Variants in PTPN11 observed in about 807,000 individuals in gnomAD.
PTPN11 encodes tyrosine-protein phosphatase non-receptor type 11.
A neutral mutation model predicts 78.8 loss-of-function variants in PTPN11; 6 were observed. That is an observed-to-expected ratio of 0.08 (90% CI 0.04 to 0.15). PTPN11 has a LOEUF of 0.15. Among genes scored for constraint, PTPN11 ranks in the 10% least tolerant of loss-of-function variants. The pLI, the probability that PTPN11 is intolerant of heterozygous loss-of-function variation, is 1.00. For synonymous variants in PTPN11, 221 were observed against 263.5 expected (o/e 0.84, Z 1.56); for missense variants, 386 against 744.8 (o/e 0.52, Z 5.61).
intron 1 of PTPN11, among the ~76,000 whole-genome samples, chr12:112,426,546 C>T (rs1302959987): frequency 2.6e-5 from 4 of 151,904 alleles, no homozygotes; most frequent in South Asian, 2.1e-4. Flanking sequence ...TGTGAGCCAC[C>T]GCAGCCGGCC....
At chr12:112,466,284 G>A (rs889151251) in intron 6 of PTPN11, among the ~76,000 whole-genome samples, 1 of 152,194 alleles carries the variant, frequency 6.6e-6, no homozygotes, top group Non-Finnish European at 1.5e-5. Flanking sequence ...TAACCTCAGG[G>A]AGAACATTCT....
At chr12:112,444,392 A>C (rs957718065) in intron 1 of PTPN11, among the ~76,000 whole-genome samples, 1 of 150,920 alleles carries the variant, frequency 6.6e-6, no homozygotes, top group Admixed American at 6.6e-5. Flanking sequence ...CCCAGGCTGG[A>C]GTGTAGTGGC....
chr12:112,486,372 A>T (rs2038675735), intron 10 of PTPN11, 103 bp from the exon 11 acceptor site: 1 of 1,228,488 alleles, frequency 8.1e-7, no homozygotes. Context: ...ACCTGGGGAG[A>T]TTCTCTTCCT....
intron 1 of PTPN11, among the ~76,000 whole-genome samples, 181 bp from the exon 2 acceptor site, chr12:112,446,095 A>G (rs1022341625): frequency 1.3e-5 from 2 of 152,196 alleles, no homozygotes; most frequent in East Asian, 3.9e-4. Flanking sequence ...GGTCTCTACC[A>G]AGGGAAAGGC....
chr12:112,470,187 G>C (rs2038393518), intron 6 of PTPN11, among the ~76,000 whole-genome samples: 2 of 152,140 alleles, frequency 1.3e-5, no homozygotes, highest in Admixed American at 6.5e-5. Context: ...TTAAGTCTGG[G>C]GTAGGACCTG....
chr12:112,446,143 G>C (rs1159168010), intron 1 of PTPN11, 133 bp from the exon 2 acceptor site: 1 of 1,119,382 alleles, frequency 8.9e-7, no homozygotes, highest in Non-Finnish European at 1.3e-6. Context: ...AGGGGGAAGG[G>C]ACAGGGAAGG....
intron 1 of PTPN11, among the ~76,000 whole-genome samples, chr12:112,442,532 A>G (rs770934820): frequency 6.6e-6 from 1 of 151,534 alleles, no homozygotes. Context: ...GCTTATTGCA[A>G]ACTTCACCTT....
At chr12:112,438,510 C>G (rs369758815) in intron 1 of PTPN11, among the ~76,000 whole-genome samples, 1 of 151,316 alleles carries the variant, frequency 6.6e-6, no homozygotes. Flanking sequence ...GAGACGAAGT[C>G]TTGCTCTGTC....
intron 13 of PTPN11, among the ~76,000 whole-genome samples, chr12:112,492,809 G>A (rs909913877): frequency 6.6e-6 from 1 of 152,008 alleles, no homozygotes; most frequent in Admixed American, 6.6e-5. Flanking sequence ...GAGTCACTGC[G>A]CCCGGCTCTC....
chr12:112,445,854 G>A (rs2037985743), intron 1 of PTPN11, among the ~76,000 whole-genome samples: 1 of 151,888 alleles, frequency 6.6e-6, no homozygotes, highest in African/African-American at 2.4e-5. Context: ...TGGTCAGGCT[G>A]CTCTGGAACT....
At position 112,457,908 on chromosome 12, in the gene PTPN11, G is replaced by C. The variant is rs141688676; in HGVS notation, c.756+1845G>C. ...TCCCCAGCATGTAGCACGGTGCCTA[G>C]TACACAGAAGAAACTCCATAAATGT... On this transcript the variant is annotated intron_variant, in intron 6 of 15. Coordinates refer to ENST00000351677, the MANE Select transcript of PTPN11 (RefSeq NM_002834.5). 4.6e-3 allele frequency among the ~76,000 whole-genome samples: 704 copies of C among 152,306 alleles called. 10 individuals carry two copies. Among genetic ancestry groups the C allele is most frequent in the African/African-American group, 0.016 (653 of 41,564 alleles).
intron 9 of PTPN11, among the ~76,000 whole-genome samples, chr12:112,479,840 C>A (rs933135450): frequency 6.6e-6 from 1 of 152,142 alleles, no homozygotes; most frequent in African/African-American, 2.4e-5. Context: ...CTCTGCCCCA[C>A]CCCTCACCAC....
At chr12:112,436,709 CTTTT>C (rs769027606) in intron 1 of PTPN11, among the ~76,000 whole-genome samples, 1 of 135,780 alleles carries the variant, frequency 7.4e-6, no homozygotes, top group African/African-American at 2.7e-5. Context: ...GAAATGAAGG[CTTTT>C]TTTTTTTTTT....
In PTPN11 at chr12:112,437,916, A is replaced by G. The variant is rs184039429; in HGVS notation, c.15-8360A>G. 1.8e-4 allele frequency among the ~76,000 whole-genome samples: 27 copies of G among 152,068 alleles called. No homozygotes were observed. The East Asian group carries it at 4.7e-3, about 26-fold the overall frequency. Reference sequence around the variant, plus strand: ...TGGTCTGCCTAAGTTTTCTTACTCTAATGGGTTAATTTTTGTAGACTGCAT... The same window carrying G: ...TGGTCTGCCTAAGTTTTCTTACTCTGATGGGTTAATTTTTGTAGACTGCAT... On this transcript the variant is annotated intron_variant, in intron 1 of 15. Coordinates refer to ENST00000351677, the MANE Select transcript of PTPN11 (RefSeq NM_002834.5).
chr12:112,422,243 G>A (rs2037532836), intron 1 of PTPN11, among the ~76,000 whole-genome samples: 1 of 152,090 alleles, frequency 6.6e-6, no homozygotes, highest in Admixed American at 6.6e-5. Context: ...TCTTGGGTTC[G>A]GCTTTTATAT....
At chr12:112,505,430 G>A (rs926159458) in intron 15 of PTPN11, among the ~76,000 whole-genome samples, 2 of 152,056 alleles carry the variant, frequency 1.3e-5, no homozygotes, top group Non-Finnish European at 2.9e-5. Context: ...ACTTTGGGAG[G>A]CTGAGGTGGG....
chr12:112,464,388 T>G (rs1308221856), intron 6 of PTPN11, among the ~76,000 whole-genome samples: 1 of 152,016 alleles, frequency 6.6e-6, no homozygotes, highest in Non-Finnish European at 1.5e-5. Flanking sequence ...AGTCTTTGAT[T>G]TTTTTTTCCC....
intron 1 of PTPN11, among the ~76,000 whole-genome samples, chr12:112,428,132 T>G (rs1017060194): frequency 5.3e-5 from 8 of 152,208 alleles, no homozygotes; most frequent in East Asian, 1.9e-4. Flanking sequence ...ATATACATGT[T>G]GAGGACTGGA....
intron 1 of PTPN11, among the ~76,000 whole-genome samples, chr12:112,437,520 T>G (rs1267601212): frequency 6.6e-6 from 1 of 152,232 alleles, no homozygotes; most frequent in Non-Finnish European, 1.5e-5. Context: ...TACGGTGCAT[T>G]ATTTTCTAAA....
Sources: allele counts gnomAD v4.1 joint callset (sites outside exome capture counted in the v4.1 genomes callset), GRCh38; gene constraint gnomAD v4.1.1; transcripts MANE v1.5; gene names NCBI Gene and HGNC (gene_info 2026-07-23, HGNC 2026-07-21).